Variants in CSPP1 observed in about 807,000 individuals in gnomAD.
CSPP1 encodes centrosome and spindle pole associated protein 1.
In CSPP1, 126 loss-of-function variants were observed where a neutral mutation model predicts 164.4. The observed-to-expected ratio is 0.77, with a 90% CI of 0.66 to 0.89. The LOEUF (loss-of-function observed/expected upper bound fraction) is 0.89, where lower values mean the gene tolerates loss of function less well. Ranked by LOEUF, CSPP1 falls within the 40% of genes least tolerant of loss-of-function variation. The probability of loss-of-function intolerance (pLI) is 0.00; values close to 1 mark genes in which losing one functional copy is unlikely to be tolerated. For missense variants in CSPP1, 1,395 were observed against 1,449.8 expected (o/e 0.96, Z 0.61); for synonymous variants, 472 against 476.7 (o/e 0.99, Z 0.13).
chr8:67,098,805 T>C (rs1282285026), intron 7 of CSPP1, among the ~76,000 whole-genome samples: 1 of 152,006 alleles, frequency 6.6e-6, no homozygotes, highest in Non-Finnish European at 1.5e-5. Context: ...TAAAAGAAGT[T>C]TTACTTCTTA....
chr8:67,067,035 C>G (rs935717074), intron 1 of CSPP1, among the ~76,000 whole-genome samples: 1 of 152,092 alleles, frequency 6.6e-6, no homozygotes, highest in Non-Finnish European at 1.5e-5. Flanking sequence ...GGATTACAGG[C>G]GTGAGCCACG....
rs1303801416 is a variant in CSPP1 at position 67,190,535 on chromosome 8, AGT to A, written c.3221-110_3221-109del. On this transcript the variant is annotated intron_variant, in intron 28 of 30. Transcript: ENST00000678616. ...CCGAACTGTGTATGTACATACATTG[AGT>A]GTGTTTCATGGTATTGTAAGCAAAA... 38 of 724,444 alleles carry A rather than the reference AGT, an allele frequency of 5.2e-5. No homozygotes were observed. The East Asian group carries it at 8.0e-4, about 15-fold the overall frequency. 44.9% of individuals were successfully genotyped at this position (724,444 alleles called of 1,614,324 possible).
At chr8:67,114,092 TTC>T (rs1387994872) in intron 11 of CSPP1, 5 of 357,988 alleles carry the variant, frequency 1.4e-5, no homozygotes, top group Admixed American at 4.4e-5. Flanking sequence ...TTTAAATTAG[TTC>T]TCTCTGCTTT....
Position 67,129,704 on chromosome 8 carries a change from GATATA to G in CSPP1, c.1698-2242_1698-2238del, listed in dbSNP as rs569822795. ...ATAAAAAGTAATGAACTACTGATAT[GATATA>G]ATATGGATGAACCTTATAAATGTTA... On this transcript the variant is annotated intron_variant, in intron 15 of 30. Coordinates refer to ENST00000678616, the MANE Select transcript of CSPP1 (RefSeq NM_001382391.1). Among the ~76,000 whole-genome samples, 8 of 152,278 alleles carry G rather than the reference GATATA, an allele frequency of 5.3e-5. No homozygotes were observed. The East Asian group carries it at 1.5e-3, about 29-fold the overall frequency.
chr8:67,071,652 T>G (rs1045646046), intron 1 of CSPP1, among the ~76,000 whole-genome samples: 2 of 152,222 alleles, frequency 1.3e-5, no homozygotes, highest in East Asian at 3.8e-4. Flanking sequence ...TGCTCTGACT[T>G]ACTTCTGTCC....
In CSPP1 at chr8:67,091,899, T is replaced by A. The variant is rs1296635399; in HGVS notation, c.384+16T>A. The A allele has an allele frequency of 1.7e-6, 2 of 1,192,050 alleles. No individual in the cohort carries two copies. The highest frequency in any genetic ancestry group is 2.2e-6 in the Non-Finnish European group (2 of 890,582). The allele number at this position is 1,192,050 out of a possible 1,614,324, so 73.8% of individuals were successfully genotyped here. A position where few individuals can be genotyped will look rare whatever the true frequency, so the allele number is the denominator to read the frequency against. The stretch of plus-strand genomic sequence containing the variant: ...ATCTGCTAAGGTAGGTGGATAGGAG[T>A]AGTTATTGTGGGTACCAGTTTTCCG... On this transcript the variant is annotated intron_variant, in intron 5 of 30. Transcript: ENST00000678616.
intron 16 of CSPP1, among the ~76,000 whole-genome samples, chr8:67,136,933 TA>T (rs1262732973): frequency 6.6e-6 from 1 of 151,952 alleles, no homozygotes; most frequent in Non-Finnish European, 1.5e-5. Context: ...ATTTGGTGTA[TA>T]TAGAGGAACA....
At chr8:67,068,104 T>C (rs536527375) in intron 1 of CSPP1, among the ~76,000 whole-genome samples, 1 of 152,272 alleles carries the variant, frequency 6.6e-6, no homozygotes, top group African/African-American at 2.4e-5. Context: ...TCTCCTTGGC[T>C]TCCCACAGTG....
chr8:67,138,637 T>TTTTTTTTTTTTTTTTTTTTTTTTTGAG (rs1822852985), intron 17 of CSPP1, among the ~76,000 whole-genome samples: 1 of 152,174 alleles, frequency 6.6e-6, no homozygotes, highest in African/African-American at 2.4e-5. Flanking sequence ...TCATGTTCTT[T>TTTTTTTTTTTTTTTTTTTTTTTTTGAG]AGGTGTTATG....
chr8:67,064,520 G>A lies in CSPP1; in HGVS notation c.-29G>A, dbSNP rs1220103200. ...GAGTAAGAGTCAGCCAGCCGCGGATGGGGAGCGTGAGTGGCGAGGTGTGGC... is the reference window on the plus strand; with the variant it reads ...GAGTAAGAGTCAGCCAGCCGCGGATAGGGAGCGTGAGTGGCGAGGTGTGGC... On this transcript the variant is annotated 5_prime_UTR_variant, in exon 1 of 31. The change abolishes an upstream ATG in the 5' untranslated region. Transcript: ENST00000678616. The A allele has an allele frequency of 6.2e-7, 1 of 1,612,182 alleles. No individual in the cohort carries two copies. The highest frequency in any genetic ancestry group is 1.1e-5 in the South Asian group (1 of 90,732).
At chr8:67,123,905 CT>C (rs79650746) in intron 15 of CSPP1, among the ~76,000 whole-genome samples, 299 of 124,602 alleles carry the variant, frequency 2.4e-3, no homozygotes, top group Non-Finnish European at 2.4e-3. Context: ...CGGCCAGGCT[CT>C]TTTTTTTTTT....
chr8:67,096,855 ACT>A (rs1812904268), intron 7 of CSPP1, among the ~76,000 whole-genome samples: 1 of 151,940 alleles, frequency 6.6e-6, no homozygotes, highest in Admixed American at 6.6e-5. Flanking sequence ...ACAGAGCGAG[ACT>A]CTGTCTCAAC....
chr8:67,086,311 C>T lies in CSPP1; in HGVS notation c.303+201C>T, dbSNP rs1810394955. On this transcript the variant is annotated intron_variant, in intron 4 of 30. Transcript: ENST00000678616. ...TGAGAACCGGTGCCATAGAATGATA[C>T]AGACTTTTGACCTTTTGACTAAGGC... 5 of 630,028 alleles carry T rather than the reference C, an allele frequency of 7.9e-6. No individual in the cohort carries two copies. The Admixed American group carries it at 8.7e-5, about 11-fold the overall frequency. The allele number at this position is 630,028 out of a possible 1,614,324, so 39.0% of individuals were successfully genotyped here. A position where few individuals can be genotyped will look rare whatever the true frequency, so the allele number is the denominator to read the frequency against.
At chr8:67,086,286 T>C (rs996927475) in intron 4 of CSPP1, 176 bp downstream of exon 4, 12 of 678,460 alleles carry the variant, frequency 1.8e-5, no homozygotes, top group Non-Finnish European at 3.3e-5. Context: ...AAAATATTGC[T>C]GAGAACCGGT....
chr8:67,137,470 A>C lies in CSPP1; in HGVS notation c.1842A>C (p.Glu614Asp), dbSNP rs759299114. The C allele has an allele frequency of 7.9e-6, 12 of 1,528,558 alleles. No individual in the cohort carries two copies. The Admixed American group carries it at 1.2e-4, about 15-fold the overall frequency. 94.7% of individuals were successfully genotyped at this position (1,528,558 alleles called of 1,614,324 possible). A position where few individuals can be genotyped will look rare whatever the true frequency, so the allele number is the denominator to read the frequency against. Reference sequence around the variant, plus strand: ...ATGTTGTCAAGATTCGGGAAAGAGAAGAAAGAAGGAAGAAAGAACGTGAAG... The same window carrying C: ...ATGTTGTCAAGATTCGGGAAAGAGACGAAAGAAGGAAGAAAGAACGTGAAG... The part of the protein sequence containing the change: ...EALQQQIRER[E>D]ERRKKEREEK... The change falls in exon 17 of 31, where the codon GAA (glutamate) becomes GAC (aspartate). Residue 614 changes from glutamate to aspartate, a missense_variant. Transcript: ENST00000678616.
In CSPP1 at chr8:67,164,452, G is replaced by A. The variant is rs369933035; in HGVS notation, c.2772G>A (p.Glu924=). Residue 924 remains glutamate (E), a synonymous_variant, in exon 24 of 31, where the codon GAG becomes GAA. Coordinates refer to ENST00000678616, the MANE Select transcript of CSPP1 (RefSeq NM_001382391.1). ...TGAGAAAACAGCTTCGTAGTGAAGA[G>A]AGGCGTCTACAAGAGCGATTGCTAC... ...SEMRKQLRSE[E]RRLQERLLHM... The A allele has an allele frequency of 6.6e-5, 106 of 1,609,212 alleles. 2 individuals carry two copies. The South Asian group carries it at 7.9e-4, about 12-fold the overall frequency.
chr8:67,117,118 T>G (rs547962630), intron 13 of CSPP1, among the ~76,000 whole-genome samples: 79 of 152,332 alleles, frequency 5.2e-4, no homozygotes, highest in East Asian at 2.3e-3. Context: ...TGGAGTAGTA[T>G]TATATTTTTT....
At chr8:67,135,811 A>G (rs562887574) in intron 16 of CSPP1, 1 of 152,304 alleles carries the variant, frequency 6.6e-6, no homozygotes, top group East Asian at 1.9e-4. Flanking sequence ...CAGCCTGTCT[A>G]TGCATTTGAC....
intron 17 of CSPP1, among the ~76,000 whole-genome samples, chr8:67,141,697 A>G (rs1409454723): frequency 2.0e-5 from 3 of 152,006 alleles, no homozygotes; most frequent in Admixed American, 2.0e-4. Flanking sequence ...AATTTTGTGT[A>G]TTTAGTAAAG....
Sources: allele counts gnomAD v4.1 joint callset (sites outside exome capture counted in the v4.1 genomes callset), GRCh38; gene constraint gnomAD v4.1.1; transcripts MANE v1.5; gene names NCBI Gene and HGNC (gene_info 2026-07-23, HGNC 2026-07-21).